The following TEX9 variants were observed in gnomAD, a reference collection of about 807,000 sequenced individuals.
The protein encoded by TEX9 is testis-expressed protein 9.
Under a neutral mutation model 59.6 loss-of-function variants are expected in TEX9, and 74 were observed. The observed-to-expected ratio is 1.24, with a 90% CI of 1.03 to 1.51. The LOEUF is 1.51. TEX9 is among the 40% of genes most tolerant of loss of function. TEX9 has a pLI of 0.00. For synonymous variants in TEX9, 186 were observed against 152.2 expected (o/e 1.22, Z -1.64); for missense variants, 522 against 447.8 (o/e 1.17, Z -1.49).
rs1055556590 is a variant in TEX9 at position 56,289,452 on chromosome 15, T to C, written c.-107+45174T>C. On this transcript the variant is annotated intron_variant, in intron 1 of 5. Coordinates refer to the TEX9 transcript ENST00000560827. ...GTAGGGTGCAGCAGTTCTGGCACCA[T>C]TGAGGGTTCCAGATGTGTAGTGTCT... is the stretch of plus-strand genomic sequence containing the variant. 4.6e-5 allele frequency among the ~76,000 whole-genome samples: 7 copies of C among 152,188 alleles called. No homozygotes were observed. In the South Asian group the frequency reaches 1.0e-3, roughly 23 times the overall value.
chr15:56,246,451 CTG>C (rs1596039161), intron 1 of TEX9, among the ~76,000 whole-genome samples: 1 of 152,138 alleles, frequency 6.6e-6, no homozygotes, highest in African/African-American at 2.4e-5. Context: ...TCAGAGAAGA[CTG>C]TGAATAAAAT....
At position 56,260,177 on chromosome 15, in the gene TEX9, A is replaced by T. The variant is rs556235683; in HGVS notation, c.-107+15899A>T. On this transcript the variant is annotated intron_variant, in intron 1 of 5. Transcript: ENST00000560827. ...GTTTTTCTATATTTACAATCATGTC[A>T]TCTGAAATGACACTTTTACTTCCTT... Among the ~76,000 whole-genome samples, 11 of 152,238 alleles carry T rather than the reference A, an allele frequency of 7.2e-5. No individual in the cohort carries two copies. The South Asian group carries it at 1.9e-3, about 26-fold the overall frequency.
At chr15:56,365,593 A>G (rs2046904301) in exon 2 of TEX9, 1 of 1,614,090 alleles carries the variant, frequency 6.2e-7, no homozygotes, top group African/African-American at 1.3e-5. Context: ...GCAGCGTTCC[A>G]GGGACTCCGT....
At chr15:56,359,626 A>G (rs2046754098) in intron 1 of TEX9, among the ~76,000 whole-genome samples, 1 of 151,870 alleles carries the variant, frequency 6.6e-6, no homozygotes, top group African/African-American at 2.4e-5. Flanking sequence ...GTTACAGGAG[A>G]GTTTTATTTC....
Position 56,365,888 on chromosome 15 carries a change from G to A in TEX9, c.119+218G>A, listed in dbSNP as rs2046920004. ...GATATTTGAAGTGGGCGAAAATTTA[G>A]CCCAAGTAAGCATGTTGTTTAATTT... On this transcript the variant is annotated intron_variant, in intron 2 of 12. Transcript: ENST00000352903. The A allele has an allele frequency of 5.1e-6, 7 of 1,380,018 alleles. No homozygotes were observed. The Middle Eastern group carries it at 1.2e-3, about 237-fold the overall frequency. 85.5% of individuals were successfully genotyped at this position (1,380,018 alleles called of 1,614,324 possible).
chr15:56,257,863 C>G (rs1321788875), intron 1 of TEX9, among the ~76,000 whole-genome samples: 1 of 152,052 alleles, frequency 6.6e-6, no homozygotes, highest in African/African-American at 2.4e-5. Context: ...AAATCTTTGC[C>G]TATGCCTATG....
At chr15:56,405,223 G>A (rs556767117) in intron 9 of TEX9, among the ~76,000 whole-genome samples, 35 of 151,990 alleles carry the variant, frequency 2.3e-4, no homozygotes, top group African/African-American at 8.0e-4. Context: ...AGAATGGCGT[G>A]GCGTGAAACC....
chr15:56,398,852 G>A (rs1168077189), intron 9 of TEX9, among the ~76,000 whole-genome samples: 1 of 152,144 alleles, frequency 6.6e-6, no homozygotes, highest in Admixed American at 6.5e-5. Flanking sequence ...GAAACTGACT[G>A]GCCAGGCATG....
intron 10 of TEX9, among the ~76,000 whole-genome samples, chr15:56,419,626 G>A (rs1215273198): frequency 6.6e-6 from 1 of 151,682 alleles, no homozygotes; most frequent in Non-Finnish European, 1.5e-5. Flanking sequence ...TATATTATTG[G>A]TTACTTTTTT....
chr15:56,401,617 C>G (rs1348642816), intron 9 of TEX9, among the ~76,000 whole-genome samples: 1 of 152,198 alleles, frequency 6.6e-6, no homozygotes, highest in East Asian at 1.9e-4. Context: ...AGGACTAGAA[C>G]TCAGCTCTGC....
intron 1 of TEX9, among the ~76,000 whole-genome samples, chr15:56,296,938 A>G (rs75751688): frequency 0.03 from 4,525 of 152,246 alleles, 216 homozygotes; most frequent in African/African-American, 0.1. Flanking sequence ...ATGTTAATCC[A>G]TAGGTCTAGG....
intron 1 of TEX9, among the ~76,000 whole-genome samples, chr15:56,300,685 C>CAGAGAGAGAGAGGGAGGGAGAG (rs2045324702): frequency 3.5e-5 from 4 of 115,676 alleles, no homozygotes; most frequent in African/African-American, 1.2e-4. Context: ...AGCAACTCAG[C>CAGAGAGAGAGAGGGAGGGAGAG]AGAGAGAGAG....
chr15:56,322,285 A>T (rs1282316158), intron 1 of TEX9, among the ~76,000 whole-genome samples: 1 of 152,088 alleles, frequency 6.6e-6, no homozygotes, highest in Non-Finnish European at 1.5e-5. Flanking sequence ...TTTTATTTTA[A>T]GTGTGGCAGG....
At position 56,300,293 on chromosome 15, in the gene TEX9, G is replaced by C. The variant is rs181477578; in HGVS notation, c.-107+56015G>C. Reference sequence around the variant, plus strand: ...GCTCCTTCTACTTGAGGGAAGGAGAGGGAAGAGTGAGAAGGACATTGTTTT... The same window carrying C: ...GCTCCTTCTACTTGAGGGAAGGAGACGGAAGAGTGAGAAGGACATTGTTTT... On this transcript the variant is annotated intron_variant, in intron 1 of 5. Transcript: ENST00000560827. Among the ~76,000 whole-genome samples the C allele has an allele frequency of 8.6e-4, 130 of 151,776 alleles. 1 individual carries two copies. Among genetic ancestry groups the C allele is most frequent in the African/African-American group, 2.9e-3 (122 of 41,370 alleles).
intron 1 of TEX9, among the ~76,000 whole-genome samples, chr15:56,251,783 G>A (rs879529705): frequency 2.0e-5 from 3 of 152,074 alleles, no homozygotes; most frequent in Non-Finnish European, 4.4e-5. Flanking sequence ...AGAGAAAGCA[G>A]GTGCAAATGA....
intron 1 of TEX9, among the ~76,000 whole-genome samples, chr15:56,274,178 AC>A (rs774069398): frequency 1.4e-4 from 21 of 151,792 alleles, no homozygotes; most frequent in Non-Finnish European, 2.4e-4. Context: ...TTATTTACCC[AC>A]CTTTTTTCTT....
intron 1 of TEX9, among the ~76,000 whole-genome samples, chr15:56,307,965 T>G (rs1404382370): frequency 1.3e-5 from 2 of 152,256 alleles, no homozygotes; most frequent in Admixed American, 6.5e-5. Context: ...TCATATTTTG[T>G]TTATCCATTC....
At chr15:56,275,714 A>G (rs2044651447) in intron 1 of TEX9, among the ~76,000 whole-genome samples, 1 of 152,050 alleles carries the variant, frequency 6.6e-6, no homozygotes, top group Non-Finnish European at 1.5e-5. Flanking sequence ...TAAATGCTCA[A>G]CATTCCCTTA....
chr15:56,445,377 T>C lies in TEX9; in HGVS notation c.*30-294T>C, dbSNP rs1316584314. ...AATAAAATAAGTTTTAAATGAAATA[T>C]ACTGAGGCAATTTTTTAAACTACGC... is the stretch of plus-strand genomic sequence containing the variant. On this transcript the variant is annotated intron_variant, in intron 12 of 12. Coordinates refer to ENST00000352903, the Ensembl canonical transcript of TEX9. 1.3e-5 allele frequency among the ~76,000 whole-genome samples: 2 copies of C among 152,016 alleles called. 1 individual carries two copies. Among genetic ancestry groups the C allele is most frequent in the East Asian group, 3.8e-4 (2 of 5,196 alleles).
Sources: gnomAD v4.1 joint callset for allele counts (sites outside exome capture counted in the v4.1 genomes callset) on GRCh38, gnomAD v4.1.1 for gene constraint, MANE v1.5 for transcripts, NCBI Gene and HGNC (gene_info 2026-07-23, HGNC 2026-07-21) for gene names.